The following PCM1 variants were observed in gnomAD, a reference collection of about 807,000 sequenced individuals.
PCM1 encodes pericentriolar material 1 protein.
A neutral mutation model predicts 241.9 loss-of-function variants in PCM1; 157 were observed. The observed-to-expected ratio is 0.65, with a 90% CI of 0.57 to 0.74. The LOEUF (loss-of-function observed/expected upper bound fraction) is 0.74, where lower values mean the gene tolerates loss of function less well. Among genes scored for constraint, PCM1 ranks in the 30% least tolerant of loss-of-function variants. PCM1 has a pLI of 0.00. For synonymous variants in PCM1, 1,085 were observed against 784.9 expected, an observed-to-expected ratio of 1.38 and a Z score of -6.39; for missense variants, 3,478 against 2,360.1, an observed-to-expected ratio of 1.47 and a Z score of -9.81.
At chr8:17,956,114 T>C (rs1174617597) in intron 10 of PCM1, among the ~76,000 whole-genome samples, 1 of 108,072 alleles carries the variant, frequency 9.3e-6, no homozygotes, top group Non-Finnish European at 1.9e-5. Context: ...TTCCTGGCAC[T>C]TACAGTAAGA....
chr8:17,978,146 GA>G (rs2079415947), intron 23 of PCM1, among the ~76,000 whole-genome samples: 1 of 152,218 alleles, frequency 6.6e-6, no homozygotes, highest in Admixed American at 6.5e-5. Flanking sequence ...ATTTAAAAAA[GA>G]GGACACGTGC....
intron 6 of PCM1, 94 bp from the exon 7 acceptor site, chr8:17,947,088 ATAAT>A (rs1204045497): frequency 1.5e-6 from 1 of 662,058 alleles, no homozygotes; most frequent in African/African-American, 1.8e-5. Context: ...TGTATATTTA[ATAAT>A]TTGTTATCAA....
intron 29 of PCM1, among the ~76,000 whole-genome samples, chr8:17,997,859 T>A (rs1441226616): frequency 1.3e-5 from 2 of 149,350 alleles, no homozygotes; most frequent in Non-Finnish European, 3.0e-5. Flanking sequence ...ACCCCGCCTC[T>A]ACTACAACAT....
At chr8:17,999,178 A>G (rs916053362) in intron 29 of PCM1, among the ~76,000 whole-genome samples, 5 of 151,946 alleles carry the variant, frequency 3.3e-5, no homozygotes, top group Admixed American at 2.0e-4. Context: ...GTGCAAGACA[A>G]AGTCCCCTTT....
intron 7 of PCM1, 92 bp from the exon 8 acceptor site, chr8:17,950,523 A>T: frequency 1.4e-6 from 1 of 694,980 alleles, no homozygotes; most frequent in Non-Finnish European, 2.4e-6. Context: ...GAGCTTTTTA[A>T]ATTCTTTTTT....
chr8:17,980,683 G>A lies in PCM1; in HGVS notation c.4036G>A (p.Val1346Ile). ...GACTGAAGAGCCTGTTCAAGCAAAAGTATTCAGCAGAAAGAATCATGAGCA... is the reference window on the plus strand; with the variant it reads ...GACTGAAGAGCCTGTTCAAGCAAAAATATTCAGCAGAAAGAATCATGAGCA... The part of the protein sequence containing the change: ...AQTEEPVQAK[V>I]FSRKNHEQLE... The change falls in exon 24 of 39, where the codon GTA (valine) becomes ATA (isoleucine). Residue 1346 changes from valine to isoleucine, a missense_variant. By Grantham distance (29) the Val-to-Ile change is conservative. Coordinates refer to ENST00000325083, the MANE Select transcript of PCM1 (RefSeq NM_006197.4). The A allele has an allele frequency of 1.9e-6, 3 of 1,613,146 alleles. No individual in the cohort carries two copies. The highest frequency in any genetic ancestry group is 2.5e-6 in the Non-Finnish European group (3 of 1,179,420).
At position 17,955,480 on chromosome 8, in the gene PCM1, A is replaced by G. The variant is rs569170984; in HGVS notation, c.1299A>G (p.Gln433=). The change falls in exon 10 of 39, where the codon CAA becomes CAG. Residue 433 remains glutamine, a synonymous_variant. Coordinates refer to ENST00000325083, the MANE Select transcript of PCM1 (RefSeq NM_006197.4). ...QHLNNSSSSP[Q]RSVDQRSTSA... is the part of the protein sequence containing the mutation. ...TTGTGCCTTCTTCAGCCTCTCCACA[A>G]AGGAGTGTCGATCAGAGAAGTACTT... is the stretch of plus-strand genomic sequence containing the variant. The G allele has an allele frequency of 6.2e-6, 10 of 1,605,812 alleles. No homozygotes were observed. The East Asian group carries it at 2.2e-4, about 36-fold the overall frequency.
At chr8:18,021,666 G>C (rs939769925) in intron 36 of PCM1, among the ~76,000 whole-genome samples, 1 of 152,072 alleles carries the variant, frequency 6.6e-6, no homozygotes, top group South Asian at 2.1e-4. Flanking sequence ...TGTCATCCTC[G>C]GTCTTCTGGA....
chr8:17,959,610 GTATT>G (rs1563932875), intron 13 of PCM1, among the ~76,000 whole-genome samples: 3 of 124,552 alleles, frequency 2.4e-5, no homozygotes, highest in Non-Finnish European at 3.5e-5. Context: ...ATTTCCGTAT[GTATT>G]TATATTTCTA....
In PCM1 at chr8:17,991,568, G is replaced by C; in HGVS notation, c.4558G>C (p.Ala1520Pro). Residue 1520 changes from alanine to proline, a missense_variant, in exon 28 of 39, where the codon GCA becomes CCA. Ala to Pro is a conservative substitution (Grantham distance 27). Coordinates refer to ENST00000325083, the MANE Select transcript of PCM1 (RefSeq NM_006197.4). ...LGNTVIHLDQ[A>P]LARMREYERM... is the part of the protein sequence containing the mutation. ...TAACACCGTGATTCACTTAGATCAA[G>C]CATTAGCCAGAATGAGAGAATATGA... 1 of 1,602,554 alleles carries C rather than the reference G, an allele frequency of 6.2e-7. No individual in the cohort carries two copies.
chr8:17,938,593 C>T, intron 4 of PCM1, 147 bp from the exon 5 acceptor site: 1 of 609,270 alleles, frequency 1.6e-6, no homozygotes, highest in Non-Finnish European at 2.9e-6. Flanking sequence ...TGTTACAGAG[C>T]CAAAGCTCTT....
intron 2 of PCM1, among the ~76,000 whole-genome samples, chr8:17,933,080 A>G (rs1038570614): frequency 6.6e-6 from 1 of 152,178 alleles, no homozygotes; most frequent in East Asian, 1.9e-4. Flanking sequence ...ATCTTTTTCA[A>G]ATCTGTTAGC....
At chr8:17,982,813 G>C (rs538207572) in intron 24 of PCM1, among the ~76,000 whole-genome samples, 1 of 152,006 alleles carries the variant, frequency 6.6e-6, no homozygotes, top group East Asian at 1.9e-4. Flanking sequence ...TTTATTTTTA[G>C]TTTTAATCAT....
rs566267828 is a variant in PCM1 at position 17,952,971 on chromosome 8, C to T, written c.1073C>T (p.Pro358Leu). 149 of 1,551,060 alleles carry T rather than the reference C, an allele frequency of 9.6e-5. No individual in the cohort carries two copies. Among genetic ancestry groups the T allele is most frequent in the South Asian group, 9.0e-4 (73 of 81,050 alleles). ...RFHNQLRDSQ[P>L]PAVPDNRRQA... is the part of the protein sequence containing the mutation. ...TTTTTGTTGTTTTTTTTTAATAAGC[C>T]TCCAGCTGTTCCAGACAATAGAAGA... The change falls in exon 9 of 39, where the codon CCT (proline) becomes CTT (leucine). Residue 358 changes from proline (P) to leucine (L), a missense_variant and splice_region_variant. Pro to Leu is a moderately conservative substitution (Grantham distance 98). Coordinates refer to ENST00000325083, the MANE Select transcript of PCM1 (RefSeq NM_006197.4).
chr8:17,960,527 G>GTTTTTGTTTTTTTTTTTT (rs1371772356), intron 15 of PCM1, 83 bp downstream of exon 15: 2 of 413,050 alleles, frequency 4.8e-6, no homozygotes, highest in East Asian at 5.0e-5. Context: ...TTTTGTTTTT[G>GTTTTTGTTTTTTTTTTTT]TTTTTCTTTT....
intron 2 of PCM1, among the ~76,000 whole-genome samples, chr8:17,933,952 T>C (rs2059728682): frequency 6.6e-6 from 1 of 152,158 alleles, no homozygotes; most frequent in African/African-American, 2.4e-5. Flanking sequence ...TAAAGTAATA[T>C]ATGCTCATTA....
chr8:17,943,075 T>C (rs573747643), intron 6 of PCM1, among the ~76,000 whole-genome samples: 1 of 152,150 alleles, frequency 6.6e-6, no homozygotes, highest in African/African-American at 2.4e-5. Context: ...CAAAGTACTA[T>C]TTTAGTAATT....
intron 36 of PCM1, among the ~76,000 whole-genome samples, chr8:18,020,361 T>TA (rs1486570684): frequency 2.0e-5 from 3 of 152,198 alleles, no homozygotes; most frequent in Non-Finnish European, 4.4e-5. Flanking sequence ...ACCTACAAGT[T>TA]ACACGTGCAG....
rs1428647079 is a variant in PCM1 at position 18,011,220 on chromosome 8, A to G, written c.5221-17A>G. On this transcript the variant is annotated splice_polypyrimidine_tract_variant and intron_variant, in intron 32 of 38. Transcript: ENST00000325083. ...TGTACTTTAAGGAATTAATTACTCA[A>G]ATATTTTTGTGTCTAGGACAAGGAT... 6 of 1,577,582 alleles carry G rather than the reference A, an allele frequency of 3.8e-6. No homozygotes were observed. The highest frequency in any genetic ancestry group is 5.2e-6 in the Non-Finnish European group (6 of 1,160,396).
Sources: allele counts gnomAD v4.1 joint callset (sites outside exome capture counted in the v4.1 genomes callset), GRCh38; gene constraint gnomAD v4.1.1; transcripts MANE v1.5; gene names NCBI Gene and HGNC (gene_info 2026-07-23, HGNC 2026-07-21).